The following TPP2 variants were observed in gnomAD, a reference collection of about 807,000 sequenced individuals.
TPP2 encodes tripeptidyl-peptidase 2.
A neutral mutation model predicts 155.9 loss-of-function variants in TPP2; 34 were observed. That is an observed-to-expected ratio of 0.22 (90% CI 0.17 to 0.29). TPP2 has a LOEUF of 0.29. Ranked by LOEUF, TPP2 falls within the 10% of genes least tolerant of loss-of-function variation. The probability of loss-of-function intolerance (pLI) is 1.00; values close to 1 mark genes in which losing one functional copy is unlikely to be tolerated. For missense variants in TPP2, 1,028 were observed against 1,522.3 expected (o/e 0.68, Z 5.40); for synonymous variants, 510 against 529.4 (o/e 0.96, Z 0.50).
intron 3 of TPP2, among the ~76,000 whole-genome samples, chr13:102,614,528 A>G (rs1566324393): frequency 6.6e-6 from 1 of 152,162 alleles, no homozygotes; most frequent in Non-Finnish European, 1.5e-5. Flanking sequence ...GAAAAAGGCT[A>G]AAGACAGTGG....
chr13:102,630,904 C>T (rs1881971276), intron 10 of TPP2, among the ~76,000 whole-genome samples: 1 of 152,128 alleles, frequency 6.6e-6, no homozygotes, highest in African/African-American at 2.4e-5. Flanking sequence ...ACCTTAGTGC[C>T]TACAGTGGGC....
At chr13:102,602,437 A>G (rs1245226344) in intron 1 of TPP2, among the ~76,000 whole-genome samples, 1 of 152,084 alleles carries the variant, frequency 6.6e-6, no homozygotes, top group Non-Finnish European at 1.5e-5. Context: ...TGTTACTATT[A>G]TAGGACAGTT....
chr13:102,651,427 T>C (rs1883481583), intron 24 of TPP2, 30 bp downstream of exon 24: 2 of 1,560,434 alleles, frequency 1.3e-6, no homozygotes, highest in Non-Finnish European at 1.7e-6. Context: ...AAAAAAGATG[T>C]CTTAAAGCCT....
At chr13:102,670,117 T>C (rs1018477585) in intron 27 of TPP2, among the ~76,000 whole-genome samples, 5 of 151,762 alleles carry the variant, frequency 3.3e-5, no homozygotes, top group Admixed American at 1.3e-4. Context: ...TAACCACTTT[T>C]CCATTTTTAC....
At position 102,629,634 on chromosome 13, in the gene TPP2, A is replaced by G. The variant is rs371457745; in HGVS notation, c.1144+25A>G. The stretch of plus-strand genomic sequence containing the variant: ...GGTTAGTTTCCTGTTTTAGAAATAG[A>G]TTTGTTTAGAAACAAGCAAACAAAA... On this transcript the variant is annotated intron_variant, in intron 9 of 29. Coordinates refer to ENST00000376052, the MANE Select transcript of TPP2 (RefSeq NM_001330588.2). The G allele has an allele frequency of 1.7e-4, 266 of 1,549,416 alleles. No homozygotes were observed. The highest frequency in any genetic ancestry group is 3.6e-4 in the Admixed American group (15 of 41,496).
intron 5 of TPP2, among the ~76,000 whole-genome samples, chr13:102,619,544 A>T (rs1260274329): frequency 2.6e-5 from 4 of 152,164 alleles, no homozygotes; most frequent in African/African-American, 9.7e-5. Context: ...AAGGTGGGGC[A>T]CACACAGATC....
At chr13:102,625,164 C>CTTTTT (rs71125084) in intron 6 of TPP2, among the ~76,000 whole-genome samples, 1 of 73,484 alleles carries the variant, frequency 1.4e-5, no homozygotes, top group Non-Finnish European at 2.5e-5. Context: ...GGCCACTTAA[C>CTTTTT]TTTTTTTTTT....
chr13:102,639,547 G>A (rs1882617756), intron 15 of TPP2, among the ~76,000 whole-genome samples: 1 of 152,156 alleles, frequency 6.6e-6, no homozygotes, highest in East Asian at 1.9e-4. Flanking sequence ...AACTCTTCTT[G>A]TCTATCTGGA....
intron 14 of TPP2, among the ~76,000 whole-genome samples, chr13:102,637,735 G>C (rs1037579580): frequency 6.6e-6 from 1 of 152,050 alleles, no homozygotes; most frequent in Non-Finnish European, 1.5e-5. Context: ...TATTTTTGTA[G>C]AGACAGGATC....
At chr13:102,597,332 C>G (rs1414381499) in intron 1 of TPP2, 129 bp downstream of exon 1, 1 of 503,558 alleles carries the variant, frequency 2.0e-6, no homozygotes, top group African/African-American at 2.0e-5. Flanking sequence ...GTGGGCAGCA[C>G]CGGGGTGGGC....
chr13:102,663,712 G>A lies in TPP2; in HGVS notation c.3208G>A (p.Val1070Ile), dbSNP rs373674738. Residue 1070 changes from valine to isoleucine, a missense_variant, in exon 26 of 30, where the codon GTT becomes ATT. Coordinates refer to ENST00000376052, the MANE Select transcript of TPP2 (RefSeq NM_001330588.2). The stretch of plus-strand genomic sequence containing the variant: ...ATATCCTAATTATCTTCCTCTGTAC[G>A]TTGCACGACTTCATCAATTGGATGC... ...ETYPNYLPLY[V>I]ARLHQLDAEK... is the part of the protein sequence containing the mutation. The A allele has an allele frequency of 5.9e-5, 94 of 1,604,846 alleles. 2 individuals carry two copies. Among genetic ancestry groups the A allele is most frequent in the Middle Eastern group, 3.3e-4 (2 of 6,038 alleles).
chr13:102,598,541 G>A (rs1879171447), intron 1 of TPP2, among the ~76,000 whole-genome samples: 1 of 152,150 alleles, frequency 6.6e-6, no homozygotes, highest in African/African-American at 2.4e-5. Flanking sequence ...TATAGTTGTC[G>A]TTGTATTAAT....
At chr13:102,625,234 G>A (rs7325101) in intron 6 of TPP2, among the ~76,000 whole-genome samples, 67,792 of 139,828 alleles carry the variant, frequency 0.48, 16,697 homozygotes, top group African/African-American at 0.58. Flanking sequence ...GCGCGATCTC[G>A]GCTCACTGCA....
chr13:102,642,700 T>C (rs1180956340), intron 16 of TPP2, among the ~76,000 whole-genome samples: 1 of 152,190 alleles, frequency 6.6e-6, no homozygotes, highest in Non-Finnish European at 1.5e-5. Context: ...CCTCCAGCGC[T>C]GGCTCAGAGT....
At chr13:102,635,731 G>A in intron 12 of TPP2, 29 bp downstream of exon 12, 1 of 1,500,900 alleles carries the variant, frequency 6.7e-7, no homozygotes, top group South Asian at 1.1e-5. Flanking sequence ...AAAATGGGTT[G>A]TAAAGCATCA....
intron 2 of TPP2, among the ~76,000 whole-genome samples, chr13:102,610,505 C>T (rs566366415): frequency 6.6e-6 from 1 of 152,288 alleles, no homozygotes; most frequent in East Asian, 1.9e-4. Flanking sequence ...GCTGGGATTA[C>T]AAATGTCAGC....
At chr13:102,668,662 G>A (rs1047274608) in intron 27 of TPP2, among the ~76,000 whole-genome samples, 6 of 152,178 alleles carry the variant, frequency 3.9e-5, no homozygotes, top group African/African-American at 9.7e-5. Context: ...AGGTAACAGG[G>A]CAGAAGAAAG....
chr13:102,600,230 T>G (rs901300014), intron 1 of TPP2, among the ~76,000 whole-genome samples: 3 of 152,182 alleles, frequency 2.0e-5, no homozygotes, highest in African/African-American at 7.2e-5. Context: ...CACCTAGATG[T>G]TTCAGGTCTT....
At chr13:102,621,159 A>T (rs1360118500) in intron 5 of TPP2, among the ~76,000 whole-genome samples, 1 of 152,098 alleles carries the variant, frequency 6.6e-6, no homozygotes, top group Non-Finnish European at 1.5e-5. Flanking sequence ...TTATGTTTTG[A>T]TGTGTTGGTT....
Sources: gnomAD v4.1 joint callset for allele counts (sites outside exome capture counted in the v4.1 genomes callset) on GRCh38, gnomAD v4.1.1 for gene constraint, MANE v1.5 for transcripts, NCBI Gene and HGNC (gene_info 2026-07-23, HGNC 2026-07-21) for gene names.